ASTN2: variants seen among roughly 807,000 people sequenced by gnomAD.
ASTN2 encodes the protein astrotactin 2.
A neutral mutation model predicts 139.8 loss-of-function variants in ASTN2; 54 were observed. The observed-to-expected ratio is 0.39, with a 90% confidence interval of 0.31 to 0.48. The LOEUF (loss-of-function observed/expected upper bound fraction) is 0.48, where lower values mean the gene tolerates loss of function less well. ASTN2 is among the 20% of genes least tolerant of loss of function. The pLI, the probability that ASTN2 is intolerant of heterozygous loss-of-function variation, is 0.95. For missense variants in ASTN2, 1,565 were observed against 1,725.1 expected, an observed-to-expected ratio of 0.91 and a Z score of 1.64; for synonymous variants, 756 against 719.5, an observed-to-expected ratio of 1.05 and a Z score of -0.81.
At chr9:116,942,114 A>C (rs10817963) in intron 10 of ASTN2, among the ~76,000 whole-genome samples, 29,767 of 141,860 alleles carry the variant, frequency 0.21, 3,037 homozygotes, top group East Asian at 0.3. Flanking sequence ...ACACACACAC[A>C]CCACACACAC....
chr9:116,572,887 GGGAATAGTTATAGAGGTACCCA>G (rs1293612536), intron 19 of ASTN2, among the ~76,000 whole-genome samples: 1 of 152,130 alleles, frequency 6.6e-6, no homozygotes, highest in Non-Finnish European at 1.5e-5. Flanking sequence ...TGAGAAGAAA[GGGAATAGTTATAGAGGTACCCA>G]GGACTTGTAA....
At chr9:117,222,575 G>A (rs73535220) in intron 2 of ASTN2, among the ~76,000 whole-genome samples, 7,520 of 152,184 alleles carry the variant, frequency 0.049, 367 homozygotes, top group African/African-American at 0.13. Context: ...GTCCTGAGGT[G>A]TTTTTGTAGA....
chr9:116,767,349 G>C (rs1338578949), intron 13 of ASTN2, among the ~76,000 whole-genome samples: 1 of 152,170 alleles, frequency 6.6e-6, no homozygotes, highest in Non-Finnish European at 1.5e-5. Context: ...GGGTGGCTTG[G>C]GAGAGACGAG....
intron 2 of ASTN2, among the ~76,000 whole-genome samples, chr9:117,254,079 T>A (rs1202296480): frequency 6.6e-6 from 1 of 152,146 alleles, no homozygotes; most frequent in Admixed American, 6.5e-5. Context: ...CCAGCTTTGC[T>A]TTTACTGAGA....
At chr9:116,756,840 T>G (rs1829546534) in intron 13 of ASTN2, among the ~76,000 whole-genome samples, 1 of 151,900 alleles carries the variant, frequency 6.6e-6, no homozygotes, top group African/African-American at 2.4e-5. Context: ...ATTCTGCTAT[T>G]TTGCACTAAA....
chr9:117,228,374 C>T (rs1832781209), intron 2 of ASTN2, among the ~76,000 whole-genome samples: 1 of 152,114 alleles, frequency 6.6e-6, no homozygotes, highest in South Asian at 2.1e-4. Flanking sequence ...TATTACAAGT[C>T]ACACAATAGG....
At chr9:116,565,429 ATT>A (rs1853179554) in intron 19 of ASTN2, among the ~76,000 whole-genome samples, 20 of 93,244 alleles carry the variant, frequency 2.1e-4, no homozygotes, top group Admixed American at 6.2e-4. Flanking sequence ...ATATATATAT[ATT>A]TATTTATTTA....
Position 116,942,108 on chromosome 9 carries a change from ACACACAC to A in ASTN2, c.1889+33093_1889+33099del, listed in dbSNP as rs1359254707. 2.2e-5 allele frequency among the ~76,000 whole-genome samples: 3 copies of A among 139,380 alleles called. No individual in the cohort carries two copies. The East Asian group carries it at 6.3e-4, about 29-fold the overall frequency. The allele number at this position is 139,380 out of a possible 152,430, so 91.4% of individuals were successfully genotyped here. A position where few individuals can be genotyped will look rare whatever the true frequency, so the allele number is the denominator to read the frequency against. On this transcript the variant is annotated intron_variant, in intron 10 of 22. Transcript: ENST00000313400. ...CACGCACGCACACACACACACACAC[ACACACAC>A]CACACACACACACACAATGTGGTCC...
At chr9:116,972,905 C>G (rs1421256532) in intron 10 of ASTN2, among the ~76,000 whole-genome samples, 1 of 152,184 alleles carries the variant, frequency 6.6e-6, no homozygotes, top group African/African-American at 2.4e-5. Context: ...TGTTGTGATT[C>G]CAGGGCAGTA....
chr9:116,661,877 G>T (rs1858581804), intron 16 of ASTN2, among the ~76,000 whole-genome samples: 1 of 151,938 alleles, frequency 6.6e-6, no homozygotes, highest in Non-Finnish European at 1.5e-5. Context: ...GTGCGGGGAG[G>T]GGAGAGGGAT....
At chr9:117,365,287 GAAATAGAAAGAAAAAGAA>G (rs1415603587) in intron 1 of ASTN2, among the ~76,000 whole-genome samples, 24 of 145,030 alleles carry the variant, frequency 1.7e-4, no homozygotes, top group African/African-American at 4.6e-4. Flanking sequence ...AAGAAAGAAA[GAAATAGAAAGAAAAAGAA>G]AGAAAGAAAA....
chr9:117,383,548 TG>T (rs1001058166), intron 1 of ASTN2, among the ~76,000 whole-genome samples: 4 of 151,212 alleles, frequency 2.6e-5, no homozygotes, highest in African/African-American at 9.7e-5. Flanking sequence ...GGGCTGGGGG[TG>T]GGGAGAATGG....
At chr9:116,780,909 G>A (rs1011437364) in intron 13 of ASTN2, among the ~76,000 whole-genome samples, 4 of 150,136 alleles carry the variant, frequency 2.7e-5, no homozygotes, top group African/African-American at 4.9e-5. Flanking sequence ...GCGCGATCTT[G>A]GCTCACTGCA....
intron 22 of ASTN2, among the ~76,000 whole-genome samples, chr9:116,432,225 C>T (rs1847520296): frequency 6.6e-6 from 1 of 152,220 alleles, no homozygotes; most frequent in African/African-American, 2.4e-5. Flanking sequence ...GACTCAAAGT[C>T]ACACTGAAAT....
intron 2 of ASTN2, among the ~76,000 whole-genome samples, chr9:117,254,248 G>A (rs1406328172): frequency 1.3e-5 from 2 of 152,166 alleles, no homozygotes; most frequent in South Asian, 2.1e-4. Flanking sequence ...TGGTCATAGA[G>A]TCAAAATGAT....
intron 2 of ASTN2, among the ~76,000 whole-genome samples, chr9:117,251,691 A>G (rs1833542777): frequency 6.6e-6 from 1 of 152,232 alleles, no homozygotes. Flanking sequence ...AACATGATAG[A>G]ATCTGGCTTT....
intron 16 of ASTN2, among the ~76,000 whole-genome samples, chr9:116,667,664 G>A (rs1858948923): frequency 6.6e-6 from 1 of 152,238 alleles, no homozygotes; most frequent in African/African-American, 2.4e-5. Flanking sequence ...AATAGAATGA[G>A]GGGAGATTTT....
Position 116,964,265 on chromosome 9 carries a change from G to GCGCGCGCA in ASTN2, c.1889+10942_1889+10943insTGCGCGCG, listed in dbSNP as rs138836463. Among the ~76,000 whole-genome samples the GCGCGCGCA allele has an allele frequency of 4.3e-3, 648 of 149,848 alleles. 5 individuals are homozygous for GCGCGCGCA. The highest frequency in any genetic ancestry group is 0.035 in the Middle Eastern group (10 of 282). On this transcript the variant is annotated intron_variant, in intron 10 of 22. Transcript: ENST00000313400. The stretch of plus-strand genomic sequence containing the variant: ...TGTGTGTGTGTGTGTGTGCGCGCGC[G>GCGCGCGCA]CGCGTGTGTGTTGACTACTGGGTGG...
rs139148246 is a variant in ASTN2, at chr9:117,214,604, A to T, written c.769T>A (p.Ser257Thr). The change falls in exon 3 of 23, where the codon TCT (serine) becomes ACT (threonine). Residue 257 changes from serine (S) to threonine (T), a missense_variant. This residue lies in a region of ASTN2 where 596 missense variants were observed against 576.8 expected (regional missense o/e 1.03). Transcript: ENST00000313400. ...CGCGCCTGGGGACCCAGCAGCACAG[A>T]TGGGATGTAGTGGATCTCATGAGTG... ...EATHEIHYIPSVLLGPQARES... is the reference protein window; with the variant it reads ...EATHEIHYIPTVLLGPQARES... 4,689 of 1,602,498 alleles carry T rather than the reference A, an allele frequency of 2.9e-3. 4 individuals are homozygous for T. The highest frequency in any genetic ancestry group is 3.7e-3 in the Non-Finnish European group (4,293 of 1,170,806).
Sources: allele counts gnomAD v4.1 joint callset (sites outside exome capture counted in the v4.1 genomes callset), GRCh38; gene constraint gnomAD v4.1.1; regional missense constraint gnomAD v4.1.1; transcripts MANE v1.5; gene names NCBI Gene and HGNC (gene_info 2026-07-23, HGNC 2026-07-21).